The following PIEZO1 variants were observed in gnomAD, a reference collection of about 807,000 sequenced individuals.
PIEZO1 encodes the protein piezo type mechanosensitive ion channel component 1 (Er blood group), also known as piezo-type mechanosensitive ion channel component 1.
A neutral mutation model predicts 297.2 loss-of-function variants in PIEZO1; 296 were observed. That is an observed-to-expected ratio of 1.00 (90% confidence interval 0.91 to 1.10). The LOEUF (loss-of-function observed/expected upper bound fraction) is 1.10, where lower values mean the gene tolerates loss of function less well. PIEZO1 is among the 50% of genes least tolerant of loss of function. The pLI, the probability that PIEZO1 is intolerant of heterozygous loss-of-function variation, is 0.00. For missense variants in PIEZO1, 5,018 were observed against 3,455.5 expected (o/e 1.45, Z -11.34); for synonymous variants, 2,427 against 1,507.5 (o/e 1.61, Z -14.13).
At chr16:88,722,780 C>T (rs1439847847) in intron 34 of PIEZO1, 57 bp downstream of exon 34, 14 of 1,530,594 alleles carry the variant, frequency 9.1e-6, no homozygotes, top group South Asian at 7.2e-5. Context: ...GGCTGTTAAG[C>T]AGGCAGGGGC....
chr16:88,742,710 G>C (rs538075708), intron 2 of PIEZO1: 5 of 438,772 alleles, frequency 1.1e-5, no homozygotes, highest in Non-Finnish European at 2.1e-5. Context: ...AAACCACCTG[G>C]GGTGTGCTCC....
intron 19 of PIEZO1, chr16:88,732,999 G>C: frequency 3.4e-6 from 2 of 581,318 alleles, no homozygotes; most frequent in Admixed American, 3.1e-5. Flanking sequence ...ATGCCTGACT[G>C]TCTCTCCCTG....
intron 44 of PIEZO1, chr16:88,719,363 G>A (rs368863517): frequency 9.8e-5 from 56 of 570,126 alleles, no homozygotes; most frequent in Admixed American, 6.2e-4. Flanking sequence ...GACCAACTCC[G>A]CTGCCCACTT....
chr16:88,755,919 A>G (rs1597476435), intron 1 of PIEZO1, among the ~76,000 whole-genome samples: 1 of 152,168 alleles, frequency 6.6e-6, no homozygotes, highest in East Asian at 1.9e-4. Context: ...AGGGGGTGGC[A>G]ATTCCTGGGT....
At chr16:88,751,514 G>A (rs559993530) in intron 1 of PIEZO1, among the ~76,000 whole-genome samples, 2 of 152,280 alleles carry the variant, frequency 1.3e-5, no homozygotes, top group South Asian at 4.1e-4. Context: ...CCGGGCTCCG[G>A]GGGGCACCGC....
chr16:88,732,373 ACTT>A lies in PIEZO1; in HGVS notation c.2950_2952del (p.Lys984del). On this transcript the variant is annotated inframe_deletion, in exon 21 of 51. Coordinates refer to ENST00000301015, the MANE Select transcript of PIEZO1 (RefSeq NM_001142864.4). ...TTGTAGAAGAAGAAGTTGATGAAGT[ACTT>A]GAGGCAGCCGAGCAGATCCTGGTCC... The A allele has an allele frequency of 1.3e-6, 2 of 1,549,724 alleles. No homozygotes were observed. Among genetic ancestry groups the A allele is most frequent in the Non-Finnish European group, 1.7e-6 (2 of 1,146,502 alleles).
intron 1 of PIEZO1, among the ~76,000 whole-genome samples, chr16:88,772,211 C>G (rs577531775): frequency 1.3e-5 from 2 of 152,370 alleles, no homozygotes; most frequent in African/African-American, 2.4e-5. Flanking sequence ...GACCCCAGAT[C>G]CAGCACCTGT....
chr16:88,719,475 G>C (rs1231667423), intron 44 of PIEZO1, 99 bp downstream of exon 44: 1 of 1,188,964 alleles, frequency 8.4e-7, no homozygotes, highest in Non-Finnish European at 1.2e-6. Flanking sequence ...CCCTGGGAGG[G>C]CCTCCAGCAC....
chr16:88,732,184 C>G (rs1222844095), intron 21 of PIEZO1, 151 bp downstream of exon 21: 1 of 660,472 alleles, frequency 1.5e-6, no homozygotes, highest in Non-Finnish European at 2.6e-6. Flanking sequence ...CACAGGAGTC[C>G]AGGGAAGCCG....
intron 1 of PIEZO1, among the ~76,000 whole-genome samples, chr16:88,779,308 G>A (rs985411772): frequency 1.6e-4 from 25 of 152,152 alleles, no homozygotes; most frequent in East Asian, 5.8e-4. Context: ...CAAAGTGCTG[G>A]GATTACAGGT....
chr16:88,739,639 G>A (rs1905503289), intron 5 of PIEZO1: 1 of 152,378 alleles, frequency 6.6e-6, no homozygotes, highest in Admixed American at 6.5e-5. Context: ...ATGGGATGGG[G>A]GCTTGACGGG....
chr16:88,730,203 G>T (rs922012924), intron 22 of PIEZO1, among the ~76,000 whole-genome samples: 2 of 152,272 alleles, frequency 1.3e-5, no homozygotes, highest in African/African-American at 4.8e-5. Context: ...TAAACCTCAC[G>T]CTCCTAGAAC....
At chr16:88,782,045 T>C (rs1907960932) in intron 1 of PIEZO1, among the ~76,000 whole-genome samples, 1 of 152,240 alleles carries the variant, frequency 6.6e-6, no homozygotes, top group African/African-American at 2.4e-5. Context: ...CGCAGCCCTG[T>C]CTAGATTTCC....
rs554107140 is a variant in PIEZO1 at position 88,757,515 on chromosome 16, C to T, written c.65-8036G>A. Among the ~76,000 whole-genome samples the T allele has an allele frequency of 3.0e-5, 4 of 131,514 alleles. No homozygotes were observed. The East Asian group carries it at 6.8e-4, about 22-fold the overall frequency. 86.3% of individuals were successfully genotyped at this position (131,514 alleles called of 152,430 possible). A position where few individuals can be genotyped will look rare whatever the true frequency, so the allele number is the denominator to read the frequency against. On this transcript the variant is annotated intron_variant, in intron 1 of 50. Coordinates refer to ENST00000301015, the MANE Select transcript of PIEZO1 (RefSeq NM_001142864.4). Reference sequence around the variant, plus strand: ...CTTGAACAAGGGCTGGGGGCCAAGACGGGGGAAAGAGCTTCTCAAAGGAAG... The same window carrying T: ...CTTGAACAAGGGCTGGGGGCCAAGATGGGGGAAAGAGCTTCTCAAAGGAAG...
In PIEZO1 at chr16:88,734,861, G is replaced by A. The variant is rs975617509; in HGVS notation, c.1848+14C>T. 1.4e-5 allele frequency: 21 copies of A among 1,548,100 alleles called. No individual in the cohort carries two copies. The highest frequency in any genetic ancestry group is 5.5e-5 in the African/African-American group (4 of 73,010). On this transcript the variant is annotated intron_variant, in intron 14 of 50. Coordinates refer to ENST00000301015, the MANE Select transcript of PIEZO1 (RefSeq NM_001142864.4). The stretch of plus-strand genomic sequence containing the variant: ...GGGTCCGTGCCCCAGCCCCCATCCC[G>A]GCCCCCCAGCCACCTGGAAGAGGGT...
At chr16:88,768,590 T>C (rs1014832741) in intron 1 of PIEZO1, among the ~76,000 whole-genome samples, 1 of 152,228 alleles carries the variant, frequency 6.6e-6, no homozygotes, top group African/African-American at 2.4e-5. Flanking sequence ...ACAAGCAGGT[T>C]GTGGGCGGGG....
chr16:88,724,822 G>C (rs894773377), intron 30 of PIEZO1, among the ~76,000 whole-genome samples, 187 bp downstream of exon 30: 2 of 147,792 alleles, frequency 1.4e-5, no homozygotes, highest in Non-Finnish European at 2.9e-5. Context: ...ATAGCCAGGA[G>C]AGGACATAGT....
chr16:88,717,205 G>A lies in PIEZO1; in HGVS notation c.6478C>T (p.Pro2160Ser), dbSNP rs1452340928. 6.5e-7 allele frequency: 1 copy of A among 1,548,680 alleles called. No individual in the cohort carries two copies. Among genetic ancestry groups the A allele is most frequent in the Non-Finnish European group, 8.7e-7 (1 of 1,146,968 alleles). Residue 2160 changes from proline to serine, a missense_variant, in exon 45 of 51, where the codon CCG (proline) becomes TCG (serine). Transcript: ENST00000301015. The stretch of plus-strand genomic sequence containing the variant: ...TTCTTCTTCTGCCCTTTGGGCTGCG[G>A]GTATTTCTGGAGGGGAACGACACAG... ...KCSRETEKKYPQPKGQKKKKI... is the reference protein window; with the variant it reads ...KCSRETEKKYSQPKGQKKKKI...
chr16:88,718,140 A>G (rs1422417333), intron 44 of PIEZO1: 1 of 187,178 alleles, frequency 5.3e-6, no homozygotes. Context: ...ACAAATGGCC[A>G]AGCACATGAA....
Sources: gnomAD v4.1 joint callset for allele counts (sites outside exome capture counted in the v4.1 genomes callset) on GRCh38, gnomAD v4.1.1 for gene constraint, MANE v1.5 for transcripts, NCBI Gene and HGNC (gene_info 2026-07-23, HGNC 2026-07-21) for gene names.